Variants in NHS observed in about 807,000 individuals in gnomAD.
NHS encodes the protein actin remodeling regulator NHS.
A neutral mutation model predicts 72.5 loss-of-function variants in NHS; 5 were observed. The observed-to-expected ratio is 0.07, with a 90% CI of 0.04 to 0.14. NHS has a LOEUF of 0.14. Ranked by LOEUF, NHS falls within the 10% of genes least tolerant of loss-of-function variation. NHS has a pLI of 1.00. For synonymous variants in NHS, 464 were observed against 547.7 expected, an observed-to-expected ratio of 0.85 and a Z score of 2.13; for missense variants, 1,072 against 1,355.7, an observed-to-expected ratio of 0.79 and a Z score of 3.29.
intron 1 of NHS, among the ~76,000 whole-genome samples, chrX:17,496,841 C>G (rs971904218): frequency 8.9e-6 from 1 of 112,085 alleles, no homozygotes; most frequent in African/African-American, 3.2e-5. Flanking sequence ...ATAGATATTT[C>G]TCTGTTAAAG....
intron 1 of NHS, among the ~76,000 whole-genome samples, chrX:17,663,059 T>C (rs781461724): frequency 4.7e-4 from 53 of 111,914 alleles, no homozygotes; most frequent in Non-Finnish European, 8.6e-4. Context: ...TTATTATTCA[T>C]TCATTCATTC....
chrX:17,394,545 A>C (rs2064462366), intron 1 of NHS, among the ~76,000 whole-genome samples: 1 of 112,143 alleles, frequency 8.9e-6, no homozygotes, highest in African/African-American at 3.2e-5. Context: ...GCTTTTCTTC[A>C]CTTGCCAGGT....
chrX:17,609,762 A>T (rs1454515675), intron 1 of NHS, among the ~76,000 whole-genome samples: 1 of 111,764 alleles, frequency 8.9e-6, no homozygotes, highest in Non-Finnish European at 1.9e-5. Context: ...GATCTATGGC[A>T]GTAGCTGAGG....
At chrX:17,655,081 G>T (rs1306359331) in intron 1 of NHS, among the ~76,000 whole-genome samples, 1 of 112,062 alleles carries the variant, frequency 8.9e-6, no homozygotes, top group Non-Finnish European at 1.9e-5. Context: ...GGAGATGAAT[G>T]GGGGGAGGGG....
chrX:17,376,333 G>A lies in NHS; in HGVS notation c.565+11G>A. 1 of 1,141,675 alleles carries A rather than the reference G, an allele frequency of 8.8e-7. No homozygotes were observed. The highest frequency in any genetic ancestry group is 1.2e-6 in the Non-Finnish European group (1 of 861,162). 94.1% of individuals were successfully genotyped at this position (1,141,675 alleles called of 1,213,427 possible). Reference sequence around the variant, plus strand: ...AGCAGGAGGCAGTGCGTGAGTACCCGCGCCGTCCGCCCGCCAGGCTATGGG... The same window carrying A: ...AGCAGGAGGCAGTGCGTGAGTACCCACGCCGTCCGCCCGCCAGGCTATGGG... On this transcript the variant is annotated intron_variant, in intron 1 of 8. Coordinates refer to ENST00000676302, the MANE Select transcript of NHS (RefSeq NM_001291867.2).
At position 17,608,180 on chromosome X, in the gene NHS, G is replaced by A. The variant is rs745599854; in HGVS notation, c.566-79562G>A. On this transcript the variant is annotated intron_variant, in intron 1 of 8. Coordinates refer to ENST00000676302, the MANE Select transcript of NHS (RefSeq NM_001291867.2). ...TCCCCCTGCCTCCGCCTCCCAAAGC[G>A]TTTGGATTACAGGCGTGAGCCACCA... 1.5e-4 allele frequency among the ~76,000 whole-genome samples: 17 copies of A among 111,090 alleles called. No homozygotes were observed. In the East Asian group the frequency reaches 3.4e-3, roughly 22 times the overall value.
At chrX:17,462,320 TG>T (rs2064851203) in intron 1 of NHS, among the ~76,000 whole-genome samples, 1 of 111,174 alleles carries the variant, frequency 9.0e-6, no homozygotes, top group African/African-American at 3.3e-5. Flanking sequence ...CTCTGAGAAG[TG>T]AAGTAAAGTG....
chrX:17,575,168 A>G (rs1036250044), intron 1 of NHS, among the ~76,000 whole-genome samples: 1 of 112,301 alleles, frequency 8.9e-6, no homozygotes, highest in Non-Finnish European at 1.9e-5. Flanking sequence ...CAACCATCAA[A>G]GTGATCCTTT....
At chrX:17,521,676 A>G (rs768491976) in intron 1 of NHS, among the ~76,000 whole-genome samples, 5 of 111,298 alleles carry the variant, frequency 4.5e-5, no homozygotes, top group Non-Finnish European at 9.4e-5. Context: ...CCCACCCTCT[A>G]TTGTCCTACA....
intron 3 of NHS, among the ~76,000 whole-genome samples, chrX:17,712,257 A>G (rs1282920425): frequency 0.025 from 1,205 of 48,383 alleles, 53 homozygotes; most frequent in African/African-American, 0.13. Flanking sequence ...GTGTGTGTAT[A>G]TATATATATA....
chrX:17,386,365 A>G (rs2064408350), intron 1 of NHS, among the ~76,000 whole-genome samples: 1 of 111,194 alleles, frequency 9.0e-6, no homozygotes, highest in East Asian at 2.8e-4. Flanking sequence ...TCCTGTCTTT[A>G]TAAGAATGTC....
chrX:17,425,931 G>A (rs752997118), intron 1 of NHS: 2 of 112,605 alleles, frequency 1.8e-5, no homozygotes, highest in Non-Finnish European at 3.7e-5. Context: ...TGATGTCCAG[G>A]AGATCCAGAG....
intron 1 of NHS, among the ~76,000 whole-genome samples, chrX:17,516,949 A>G (rs1465307911): frequency 8.9e-6 from 1 of 112,470 alleles, no homozygotes; most frequent in East Asian, 2.8e-4. Flanking sequence ...TCAACTCAGA[A>G]GCATATGGGG....
rs1051206612 is a variant in NHS at position 17,732,322 on chromosome X, G to A, written c.4814G>A (p.Arg1605Gln). The stretch of plus-strand genomic sequence containing the variant: ...GCATCAGCAAGGGTTGGACGTTCTC[G>A]GGCCCCTCCTGCAGCCAGCAGCAGC... ...TSASARVGRS[R>Q]APPAASSSRY... is the part of the protein sequence containing the mutation. The change falls in exon 9 of 9, where the codon CGG (arginine) becomes CAG (glutamine). Residue 1605 changes from arginine to glutamine, a missense_variant. Transcript: ENST00000676302. 1 of 1,212,430 alleles carries A rather than the reference G, an allele frequency of 8.2e-7. No individual in the cohort carries two copies. The highest frequency in any genetic ancestry group is 1.1e-6 in the Non-Finnish European group (1 of 895,661).
chrX:17,726,465 T>A lies in NHS; in HGVS notation c.2359T>A (p.Ser787Thr). The A allele has an allele frequency of 1.7e-6, 2 of 1,211,774 alleles. No individual in the cohort carries two copies. The highest frequency in any genetic ancestry group is 2.2e-6 in the Non-Finnish European group (2 of 895,470). The change falls in exon 7 of 9, where the codon TCC becomes ACC. Residue 787 changes from serine to threonine, a missense_variant. Physicochemically the swap from Ser to Thr is moderately conservative, Grantham distance 58 (BLOSUM62 1). Transcript: ENST00000676302. Reference protein sequence around the residue: ...FSVDTEGYYTSMHFDCGLKGN... With the variant: ...FSVDTEGYYTTMHFDCGLKGN... ...AGTAGACACGGAAGGATACTATACC[T>A]CCATGCACTTTGACTGTGGTCTCAA... is the stretch of plus-strand genomic sequence containing the variant.
intron 1 of NHS, chrX:17,635,397 T>C: frequency 8.7e-7 from 1 of 1,155,423 alleles, no homozygotes; most frequent in Non-Finnish European, 1.2e-6. Context: ...AGCACAGAGG[T>C]TCTGTGAAAA....
At chrX:17,658,300 T>C (rs2065966731) in intron 1 of NHS, among the ~76,000 whole-genome samples, 1 of 112,493 alleles carries the variant, frequency 8.9e-6, no homozygotes, top group Non-Finnish European at 1.9e-5. Context: ...TTGGCAAGAA[T>C]GCATTAGCAA....
chrX:17,375,701 C>A lies in NHS; in HGVS notation c.-57C>A. On this transcript the variant is annotated 5_prime_UTR_variant, in exon 1 of 9. Transcript: ENST00000676302. Reference sequence around the variant, plus strand: ...CCCTGCTCAGGTGGGCGCGCCCGGTCTCCAGCTCACAGGGGCGCTTGGAGG... The same window carrying A: ...CCCTGCTCAGGTGGGCGCGCCCGGTATCCAGCTCACAGGGGCGCTTGGAGG... The A allele has an allele frequency of 8.8e-7, 1 of 1,138,714 alleles. No individual in the cohort carries two copies. The highest frequency in any genetic ancestry group is 1.9e-5 in the South Asian group (1 of 51,850). The allele number at this position is 1,138,714 out of a possible 1,213,427, so 93.8% of individuals were successfully genotyped here.
At chrX:17,417,652 T>C (rs911159057) in intron 1 of NHS, among the ~76,000 whole-genome samples, 14 of 112,336 alleles carry the variant, frequency 1.2e-4, no homozygotes, top group Non-Finnish European at 2.3e-4. Flanking sequence ...GTCCATTTTG[T>C]CATTTACAGT....
Sources: gnomAD v4.1 joint callset for allele counts (sites outside exome capture counted in the v4.1 genomes callset) on GRCh38, gnomAD v4.1.1 for gene constraint, MANE v1.5 for transcripts, NCBI Gene and HGNC (gene_info 2026-07-23, HGNC 2026-07-21) for gene names.